Variants in MED13 observed in about 807,000 individuals in gnomAD.
MED13 encodes mediator complex subunit 13.
A neutral mutation model predicts 225.2 loss-of-function variants in MED13; 23 were observed. The observed-to-expected ratio is 0.10, with a 90% CI of 0.07 to 0.14. MED13 has a LOEUF of 0.14. Ranked by LOEUF, MED13 falls within the 10% of genes least tolerant of loss-of-function variation. The probability of loss-of-function intolerance (pLI) is 1.00; values close to 1 mark genes in which losing one functional copy is unlikely to be tolerated. For synonymous variants in MED13, 942 were observed against 889.2 expected (o/e 1.06, Z -1.06); for missense variants, 2,197 against 2,594.5 (o/e 0.85, Z 3.33).
chr17:62,034,460 C>T (rs1387071118), intron 4 of MED13, among the ~76,000 whole-genome samples: 1 of 147,764 alleles, frequency 6.8e-6, no homozygotes, highest in East Asian at 2.0e-4. Flanking sequence ...GCACTCTAGC[C>T]TGGGCAACAG....
At chr17:61,970,679 CAAAAAAA>C (rs10600340) in intron 17 of MED13, among the ~76,000 whole-genome samples, 3 of 46,918 alleles carry the variant, frequency 6.4e-5, no homozygotes, top group African/African-American at 1.7e-4. Context: ...GAGACTGTCT[CAAAAAAA>C]AAAAAAAAAA....
chr17:61,952,348 A>G (rs999335069), intron 27 of MED13, among the ~76,000 whole-genome samples: 7 of 152,194 alleles, frequency 4.6e-5, no homozygotes, highest in Admixed American at 1.3e-4. Flanking sequence ...GAGAAAATTA[A>G]TATTTTTATT....
At chr17:61,987,426 T>G (rs1424773518) in intron 11 of MED13, among the ~76,000 whole-genome samples, 2 of 151,872 alleles carry the variant, frequency 1.3e-5, no homozygotes, top group Non-Finnish European at 2.9e-5. Context: ...AGAGCGAGAC[T>G]CCATCTTAAA....
chr17:62,043,663 A>AGCC (rs1488302644), intron 3 of MED13, among the ~76,000 whole-genome samples: 3 of 152,178 alleles, frequency 2.0e-5, no homozygotes, highest in Non-Finnish European at 4.4e-5. Context: ...ACACACATAT[A>AGCC]ACTATTGGTG....
At chr17:62,025,905 CTTT>C (rs1276031838) in intron 8 of MED13, among the ~76,000 whole-genome samples, 1 of 152,168 alleles carries the variant, frequency 6.6e-6, no homozygotes, top group Non-Finnish European at 1.5e-5. Context: ...ATTACGTATT[CTTT>C]AATCCAAAGA....
At chr17:62,036,768 A>G (rs922510332) in intron 3 of MED13, 8 of 152,232 alleles carry the variant, frequency 5.3e-5, no homozygotes, top group Non-Finnish European at 1.2e-4. Flanking sequence ...CAAAATGTCT[A>G]AACTTGATAG....
rs565337325 is a variant in MED13 at position 61,986,309 on chromosome 17, A to G, written c.2385+698T>C. Among the ~76,000 whole-genome samples the G allele has an allele frequency of 3.9e-5, 6 of 152,308 alleles. No individual in the cohort carries two copies. The South Asian group carries it at 8.3e-4, about 21-fold the overall frequency. Reference sequence around the variant, plus strand: ...TATATGTTGAGAGAGGACTAAATGCATATTATATAGGAAAGGAAAGATCAA... The same window carrying G: ...TATATGTTGAGAGAGGACTAAATGCGTATTATATAGGAAAGGAAAGATCAA... On this transcript the variant is annotated intron_variant, in intron 12 of 29. Transcript: ENST00000397786.
At chr17:62,006,382 A>G (rs2143567543) in intron 9 of MED13, 1 of 152,184 alleles carries the variant, frequency 6.6e-6, no homozygotes, top group Middle Eastern at 3.4e-3. Flanking sequence ...AACAAGAAAG[A>G]TTCCTTTTTA....
chr17:61,962,955 T>C lies in MED13; in HGVS notation c.4861A>G (p.Lys1621Glu). 2 of 1,614,054 alleles carry C rather than the reference T, an allele frequency of 1.2e-6. No individual in the cohort carries two copies. Among genetic ancestry groups the C allele is most frequent in the Non-Finnish European group, 1.7e-6 (2 of 1,179,988 alleles). The change falls in exon 21 of 30, where the codon AAA becomes GAA. Residue 1621 changes from lysine (K) to glutamate (E), a missense_variant. This residue lies in a region of MED13 where 457 missense variants were observed against 442.2 expected (regional missense o/e 1.03). Coordinates refer to ENST00000397786, the MANE Select transcript of MED13 (RefSeq NM_005121.3). ...TCACCATCTGTGGGGATTCCCACTT[T>C]ATCCCGATCCATCGTGCTAAAATTT... ...DVSESTMDRD[K>E]VGIPTDGDSH... is the part of the protein sequence containing the mutation.
intron 23 of MED13, among the ~76,000 whole-genome samples, chr17:61,958,538 C>T (rs949011312): frequency 1.3e-5 from 2 of 151,330 alleles, no homozygotes; most frequent in African/African-American, 4.9e-5. Context: ...AGGGTTTCAG[C>T]ATGTTGGCCA....
intron 10 of MED13, among the ~76,000 whole-genome samples, chr17:61,992,856 C>T (rs1377135642): frequency 0.011 from 1 of 92 alleles, no homozygotes; most frequent in Non-Finnish European, 0.02. Flanking sequence ...TGCACCTCTG[C>T]CTCCTAGGTC....
intron 11 of MED13, among the ~76,000 whole-genome samples, chr17:61,991,260 A>G (rs1346905882): frequency 6.6e-6 from 1 of 151,966 alleles, no homozygotes; most frequent in Non-Finnish European, 1.5e-5. Context: ...CTGGGATTAC[A>G]GGCACCTGGC....
At position 61,984,633 on chromosome 17, in the gene MED13, T is replaced by TATATAAGTGAATTATATATATAAGTAA; in HGVS notation, c.2691+17_2691+18insTTACTTATATATATAATTCACTTATAT. The TATATAAGTGAATTATATATATAAGTAA allele has an allele frequency of 6.4e-7, 1 of 1,569,978 alleles. No homozygotes were observed. The highest frequency in any genetic ancestry group is 2.2e-5 in the East Asian group (1 of 44,538). On this transcript the variant is annotated intron_variant, in intron 14 of 29. Coordinates refer to ENST00000397786, the MANE Select transcript of MED13 (RefSeq NM_005121.3). ...AAATATAGGAAGTGAATTATTTTTC[T>TATATAAGTGAATTATATATATAAGTAA]AGAAAAAACATACTTACTTTAATTT...
chr17:62,065,108 C>G lies in MED13; in HGVS notation c.66+32G>C, dbSNP rs1356443670. ...CCCAAGGGCGCACCTCGCGGCCCCC[C>G]TCCCTCGGCGCCCGCCGGCCCCGGC... On this transcript the variant is annotated intron_variant, in intron 1 of 29. Coordinates refer to ENST00000397786, the MANE Select transcript of MED13 (RefSeq NM_005121.3). The G allele has an allele frequency of 2.5e-5, 38 of 1,521,634 alleles. No individual in the cohort carries two copies. The Admixed American group carries it at 7.7e-4, about 31-fold the overall frequency. 94.3% of individuals were successfully genotyped at this position (1,521,634 alleles called of 1,614,324 possible). A position where few individuals can be genotyped will look rare whatever the true frequency, so the allele number is the denominator to read the frequency against.
At chr17:62,048,053 T>TATATATATAC (rs1328290405) in intron 3 of MED13, among the ~76,000 whole-genome samples, 2 of 142,030 alleles carry the variant, frequency 1.4e-5, no homozygotes, top group East Asian at 4.2e-4. Flanking sequence ...CATATATATA[T>TATATATATAC]ATATATATAT....
At chr17:61,951,130 T>A in intron 27 of MED13, 132 bp from the exon 28 acceptor site, 1 of 645,586 alleles carries the variant, frequency 1.5e-6, no homozygotes, top group Non-Finnish European at 2.4e-6. Context: ...TGAAGGATAT[T>A]GAAAAAAAAC....
At position 61,955,430 on chromosome 17, in the gene MED13, C is replaced by G; in HGVS notation, c.5920G>C (p.Ala1974Pro). Reference protein sequence around the residue: ...PTSASVQVASATYTTENLDLA... With the variant: ...PTSASVQVASPTYTTENLDLA... ...TCCAAATTTTCAGTGGTATAAGTAG[C>G]TGAAGCTACTTGCACAGAAGCAGAA... The change falls in exon 26 of 30, where the codon GCT becomes CCT. Residue 1974 changes from alanine (A) to proline (P), a missense_variant. Coordinates refer to ENST00000397786, the MANE Select transcript of MED13 (RefSeq NM_005121.3). 1 of 1,587,558 alleles carries G rather than the reference C, an allele frequency of 6.3e-7. No homozygotes were observed. Among genetic ancestry groups the G allele is most frequent in the Non-Finnish European group, 8.5e-7 (1 of 1,171,384 alleles).
At position 61,987,213 on chromosome 17, in the gene MED13, G is replaced by T. The variant is rs544817309; in HGVS notation, c.2264-85C>A. 2.0e-5 allele frequency: 17 copies of T among 842,380 alleles called. No homozygotes were observed. The African/African-American group carries it at 2.3e-4, about 12-fold the overall frequency. 52.2% of individuals were successfully genotyped at this position (842,380 alleles called of 1,614,324 possible). On this transcript the variant is annotated intron_variant, in intron 11 of 29. Transcript: ENST00000397786. ...GCACTTTGGGAGGCCGAGGAGGGTG[G>T]ATCACGAGGTCAGGAGTTCAGGACC...
chr17:62,031,753 C>A, intron 5 of MED13, 115 bp from the exon 6 acceptor site: 5 of 522,020 alleles, frequency 9.6e-6, no homozygotes, highest in Non-Finnish European at 1.2e-5. Flanking sequence ...AATAAAAATA[C>A]ATTTTTATAA....
Sources: allele counts gnomAD v4.1 joint callset (sites outside exome capture counted in the v4.1 genomes callset), GRCh38; gene constraint gnomAD v4.1.1; regional missense constraint gnomAD v4.1.1; transcripts MANE v1.5; gene names NCBI Gene and HGNC (gene_info 2026-07-23, HGNC 2026-07-21).